The following MLLT1 variants were observed in gnomAD, a reference collection of about 807,000 sequenced individuals.
MLLT1 encodes the protein protein ENL.
Under a neutral mutation model 55.1 loss-of-function variants are expected in MLLT1, and 11 were observed. That is an observed-to-expected ratio of 0.20 (90% confidence interval 0.13 to 0.33). The LOEUF is 0.33. MLLT1 is among the 10% of genes least tolerant of loss of function. The pLI, the probability that MLLT1 is intolerant of heterozygous loss-of-function variation, is 1.00. For missense variants in MLLT1, 536 were observed against 760.6 expected (o/e 0.70, Z 3.47); for synonymous variants, 323 against 320.1 (o/e 1.01, Z -0.10).
At chr19:6,213,694 G>T (rs1413364975) in intron 10 of MLLT1, 32 bp downstream of exon 10, 12 of 908,730 alleles carry the variant, frequency 1.3e-5, no homozygotes, top group Admixed American at 4.3e-5. Context: ...CCCCTCCGTA[G>T]CCTCCCCGCC....
chr19:6,262,444 C>T lies in MLLT1; in HGVS notation c.194-134G>A. ...GGCTGGCCTCTCGGGGGTGGCTTTT[C>T]AGGAGGTTAAGCCCCCGACAGGATT... is the stretch of plus-strand genomic sequence containing the variant. On this transcript the variant is annotated intron_variant, in intron 2 of 11. Coordinates refer to ENST00000252674, the MANE Select transcript of MLLT1 (RefSeq NM_005934.4). The surrounding 1 kb of genome is among the most constrained non-coding windows in gnomAD (Gnocchi z 4.4). The T allele has an allele frequency of 1.5e-6, 1 of 658,394 alleles. No homozygotes were observed. The highest frequency in any genetic ancestry group is 2.6e-6 in the Non-Finnish European group (1 of 381,596). The allele number at this position is 658,394 out of a possible 1,614,324, so 40.8% of individuals were successfully genotyped here.
rs558230531 is a variant in MLLT1, at chr19:6,224,717, T to TTTTG, written c.547-2037_547-2034dup. Reference sequence around the variant, plus strand: ...GTTCTGAAATTAGGCACTACGATTTTTTTGTTTGTTTGTTTGTTTGCTTTT... The same window carrying TTTTG: ...GTTCTGAAATTAGGCACTACGATTTTTTTGTTTGTTTGTTTGTTTGTTTGCTTTT... On this transcript the variant is annotated intron_variant, in intron 5 of 11. Transcript: ENST00000252674. 1.5e-4 allele frequency among the ~76,000 whole-genome samples: 23 copies of TTTTG among 152,270 alleles called. No individual in the cohort carries two copies. The East Asian group carries it at 1.7e-3, about 11-fold the overall frequency.
In MLLT1 at chr19:6,226,014, T is replaced by G. The variant is rs1200325782; in HGVS notation, c.546+963A>C. Among the ~76,000 whole-genome samples the G allele has an allele frequency of 6.6e-6, 1 of 152,208 alleles. No individual in the cohort carries two copies. The highest frequency in any genetic ancestry group is 1.5e-5 in the Non-Finnish European group (1 of 68,034). ...AGAGAATCTGGCAAGTCTGACGATT[T>G]CTAAGACCTGCTGGCCTTGGGGAAA... On this transcript the variant is annotated intron_variant, in intron 5 of 11. Coordinates refer to ENST00000252674, the MANE Select transcript of MLLT1 (RefSeq NM_005934.4). The surrounding 1 kb of genome is among the most constrained non-coding windows in gnomAD (Gnocchi z 6.3).
rs550870302 is a variant in MLLT1 at position 6,210,977 on chromosome 19, C to T, written c.*2065G>A. 487 of 195,830 alleles carry T rather than the reference C, an allele frequency of 2.5e-3. 1 individual carries two copies. The highest frequency in any genetic ancestry group is 0.012 in the African/African-American group (421 of 33,712). 12.1% of individuals were successfully genotyped at this position (195,830 alleles called of 1,614,324 possible). Reference sequence around the variant, plus strand: ...CTTGGAAACGGCAGGAAGGGCCAGACGCCACCACCGAGAGCAGGCGGGGGA... The same window carrying T: ...CTTGGAAACGGCAGGAAGGGCCAGATGCCACCACCGAGAGCAGGCGGGGGA... On this transcript the variant is annotated 3_prime_UTR_variant, in exon 12 of 12. Transcript: ENST00000252674. This position sits in a 1 kb window ranked among gnomAD's most constrained non-coding sequence, Gnocchi z 4.6.
At position 6,231,700 on chromosome 19, in the gene MLLT1, A is replaced by G. The variant is rs1600185505; in HGVS notation, c.277-987T>C. 6.6e-6 allele frequency among the ~76,000 whole-genome samples: 1 copy of G among 151,978 alleles called. No homozygotes were observed. Among genetic ancestry groups the G allele is most frequent in the East Asian group, 2.0e-4 (1 of 5,090 alleles). ...GTATTTTCAGTAAAGACGGGGTTTC[A>G]CCATGTTAACCAGGATGGTCTCCAT... is the stretch of plus-strand genomic sequence containing the variant. On this transcript the variant is annotated intron_variant, in intron 3 of 11. Transcript: ENST00000252674. This position sits in a 1 kb window ranked among gnomAD's most constrained non-coding sequence, Gnocchi z 5.1.
At chr19:6,245,535 C>T (rs1221492499) in intron 3 of MLLT1, among the ~76,000 whole-genome samples, 6 of 151,818 alleles carry the variant, frequency 4.0e-5, no homozygotes. Context: ...ATGGTGAAAC[C>T]CCGTCTCTAC....
chr19:6,218,447 G>C (rs967118824), intron 6 of MLLT1, among the ~76,000 whole-genome samples: 1 of 152,258 alleles, frequency 6.6e-6, no homozygotes, highest in Non-Finnish European at 1.5e-5. Context: ...AAAATGTCTG[G>C]AACAGGAAAG....
chr19:6,234,914 A>C (rs1350976949), intron 3 of MLLT1, among the ~76,000 whole-genome samples: 14 of 152,332 alleles, frequency 9.2e-5, no homozygotes, highest in East Asian at 5.8e-4. Context: ...AAAAAAAAAA[A>C]ACAAGACTTT....
At chr19:6,261,774 A>G (rs1308674730) in intron 3 of MLLT1, among the ~76,000 whole-genome samples, 1 of 152,128 alleles carries the variant, frequency 6.6e-6, no homozygotes, top group African/African-American at 2.4e-5. Context: ...AGTATTATAT[A>G]TGTAGCTTGC....
chr19:6,219,296 A>G lies in MLLT1; in HGVS notation c.1111-1255T>C, dbSNP rs1012597487. Among the ~76,000 whole-genome samples the G allele has an allele frequency of 6.6e-6, 1 of 152,050 alleles. No individual in the cohort carries two copies. The highest frequency in any genetic ancestry group is 1.5e-5 in the Non-Finnish European group (1 of 67,974). On this transcript the variant is annotated intron_variant, in intron 6 of 11. Transcript: ENST00000252674. This position sits in a 1 kb window ranked among gnomAD's most constrained non-coding sequence, Gnocchi z 4.5. ...TGCCAGCGCCCCTTCCCACCAACAC[A>G]TGGCGCTCCCTGATGAATCATCACT... is the stretch of plus-strand genomic sequence containing the variant.
In MLLT1 at chr19:6,240,628, G is replaced by T. The variant is rs759302912; in HGVS notation, c.277-9915C>A. On this transcript the variant is annotated intron_variant, in intron 3 of 11. Coordinates refer to ENST00000252674, the MANE Select transcript of MLLT1 (RefSeq NM_005934.4). The surrounding 1 kb of genome is among the most constrained non-coding windows in gnomAD (Gnocchi z 4.7). ...CAAACCACGAGACTGAGAGCACCAC[G>T]GAACCCTACAGCTCTCAGATTCAAA... 6.6e-6 allele frequency among the ~76,000 whole-genome samples: 1 copy of T among 152,118 alleles called. No individual in the cohort carries two copies. Among genetic ancestry groups the T allele is most frequent in the Non-Finnish European group, 1.5e-5 (1 of 68,028 alleles).
Position 6,253,128 on chromosome 19 carries a change from T to G in MLLT1, c.276+9100A>C, listed in dbSNP as rs539446056. On this transcript the variant is annotated intron_variant, in intron 3 of 11. Coordinates refer to ENST00000252674, the MANE Select transcript of MLLT1 (RefSeq NM_005934.4). The stretch of plus-strand genomic sequence containing the variant: ...AATACAAAAAAAAATTAGCCAGGTA[T>G]GGTGGGCACACCCGTAGTCCCAGCT... Among the ~76,000 whole-genome samples the G allele has an allele frequency of 4.2e-4, 63 of 151,082 alleles. 1 individual carries two copies. In the South Asian group the frequency reaches 0.013, roughly 31 times the overall value.
chr19:6,220,557 G>A (rs533329453), intron 6 of MLLT1, among the ~76,000 whole-genome samples: 7 of 152,376 alleles, frequency 4.6e-5, no homozygotes, highest in African/African-American at 1.2e-4. Flanking sequence ...CACTGGTGGC[G>A]GGAGCCAGGA....
At position 6,230,919 on chromosome 19, in the gene MLLT1, G is replaced by C. The variant is rs1239795857; in HGVS notation, c.277-206C>G. On this transcript the variant is annotated intron_variant, in intron 3 of 11. Transcript: ENST00000252674. This position sits in a 1 kb window ranked among gnomAD's most constrained non-coding sequence, Gnocchi z 9.0. ...TACTATGTGCAGCTAACTGGGTCTTGCAGGCCCCATGGCAGAAAGAAAGCT... is the reference window on the plus strand; with the variant it reads ...TACTATGTGCAGCTAACTGGGTCTTCCAGGCCCCATGGCAGAAAGAAAGCT... 6.6e-6 allele frequency among the ~76,000 whole-genome samples: 1 copy of C among 152,152 alleles called. No homozygotes were observed. Among genetic ancestry groups the C allele is most frequent in the Non-Finnish European group, 1.5e-5 (1 of 68,020 alleles).
In MLLT1 at chr19:6,270,460, C is replaced by T; in HGVS notation, c.193+119G>A. The T allele has an allele frequency of 3.6e-6, 4 of 1,122,222 alleles. No homozygotes were observed. The highest frequency in any genetic ancestry group is 2.7e-5 in the Admixed American group (1 of 37,536). The allele number at this position is 1,122,222 out of a possible 1,614,324, so 69.5% of individuals were successfully genotyped here. ...GTGCCCCCACGCCGAGGGACGCAAG[C>T]TGGAACCTCATGGTTGGAGGGGTCC... On this transcript the variant is annotated intron_variant, in intron 2 of 11. Coordinates refer to ENST00000252674, the MANE Select transcript of MLLT1 (RefSeq NM_005934.4). This position sits in a 1 kb window ranked among gnomAD's most constrained non-coding sequence, Gnocchi z 7.1.
In MLLT1 at chr19:6,212,203, G is replaced by A; in HGVS notation, c.*839C>T. ...CTGAGTAGAGCCCGAGAGCAGACTG[G>A]TGGCTCCCGGGCGCCCTGAGGACTC... On this transcript the variant is annotated 3_prime_UTR_variant, in exon 12 of 12. Transcript: ENST00000252674. 1 of 1,066,192 alleles carries A rather than the reference G, an allele frequency of 9.4e-7. No individual in the cohort carries two copies. Among genetic ancestry groups the A allele is most frequent in the South Asian group, 4.5e-5 (1 of 21,992 alleles). The allele number at this position is 1,066,192 out of a possible 1,614,324, so 66.0% of individuals were successfully genotyped here.
intron 3 of MLLT1, among the ~76,000 whole-genome samples, chr19:6,241,396 G>A (rs534713780): frequency 2.7e-5 from 4 of 148,842 alleles, no homozygotes; most frequent in South Asian, 2.1e-4. Context: ...AGATGCCTTC[G>A]TCCTGTACAG....
chr19:6,271,827 GC>G (rs2091397273), intron 1 of MLLT1, among the ~76,000 whole-genome samples: 1 of 152,228 alleles, frequency 6.6e-6, no homozygotes, highest in African/African-American at 2.4e-5. Flanking sequence ...TGACAGAGCC[GC>G]CCTCCCGGGC....
intron 2 of MLLT1, among the ~76,000 whole-genome samples, chr19:6,266,291 A>G (rs2144950692): frequency 6.6e-6 from 1 of 151,980 alleles, no homozygotes; most frequent in Non-Finnish European, 1.5e-5. Context: ...AAAAAAAAAA[A>G]AAAAAAGTTT....
Sources: gnomAD v4.1 joint callset for allele counts (sites outside exome capture counted in the v4.1 genomes callset) on GRCh38, gnomAD v4.1.1 for gene constraint, Gnocchi (gnomAD v3.1) non-coding constraint, MANE v1.5 for transcripts, NCBI Gene and HGNC (gene_info 2026-07-23, HGNC 2026-07-21) for gene names.